Variants in TNS3 observed in about 807,000 individuals in gnomAD.
TNS3 encodes the protein tensin 3.
A neutral mutation model predicts 140.9 loss-of-function variants in TNS3; 45 were observed. The observed-to-expected ratio is 0.32, with a 90% CI of 0.25 to 0.41. The LOEUF (loss-of-function observed/expected upper bound fraction) is 0.41, where lower values mean the gene tolerates loss of function less well. TNS3 is among the 10% of genes least tolerant of loss of function. The probability of loss-of-function intolerance (pLI) is 1.00; values close to 1 mark genes in which losing one functional copy is unlikely to be tolerated. For missense variants in TNS3, 1,716 were observed against 1,906.7 expected (o/e 0.90, Z 1.86); for synonymous variants, 815 against 788.4 (o/e 1.03, Z -0.56).
At position 47,280,093 on chromosome 7, in the gene TNS3, C is replaced by G. The variant is rs1785061149; in HGVS notation, c.4193+71G>C. The G allele has an allele frequency of 1.9e-6, 3 of 1,586,186 alleles. No individual in the cohort carries two copies. The East Asian group carries it at 6.7e-5, about 35-fold the overall frequency. The stretch of plus-strand genomic sequence containing the variant: ...CTTATAAGGCACCCCCTGTGCAAAT[C>G]TGGAAGAGAATTCAACTTTGGAGTA... On this transcript the variant is annotated intron_variant, in intron 30 of 30. Transcript: ENST00000311160.
At chr7:47,517,810 T>C (rs563292476) in intron 2 of TNS3, among the ~76,000 whole-genome samples, 127 of 151,766 alleles carry the variant, frequency 8.4e-4, no homozygotes, top group Non-Finnish European at 1.7e-3. Context: ...GGAGGGAGGG[T>C]TCCACAGTCA....
chr7:47,562,912 T>C (rs1053418089), intron 1 of TNS3, among the ~76,000 whole-genome samples: 4 of 152,096 alleles, frequency 2.6e-5, no homozygotes, highest in African/African-American at 9.7e-5. Context: ...ACACGGAAGA[T>C]GGGTTTCAGG....
chr7:47,474,946 A>G (rs114911971), intron 4 of TNS3, among the ~76,000 whole-genome samples: 10,256 of 150,766 alleles, frequency 0.068, 378 homozygotes, highest in African/African-American at 0.074. Flanking sequence ...CTCACACAAT[A>G]CAACACATGC....
chr7:47,391,019 G>A (rs562311908), intron 16 of TNS3, among the ~76,000 whole-genome samples: 1 of 152,238 alleles, frequency 6.6e-6, no homozygotes, highest in South Asian at 2.1e-4. Context: ...CTCAGGAAAG[G>A]AAGCTGACAT....
intron 4 of TNS3, among the ~76,000 whole-genome samples, chr7:47,458,994 C>T (rs955305077): frequency 2.0e-4 from 31 of 152,128 alleles, no homozygotes; most frequent in African/African-American, 6.5e-4. Context: ...TAAGTACGGG[C>T]GACTTTCTTC....
chr7:47,474,987 C>T (rs571646606), intron 4 of TNS3, among the ~76,000 whole-genome samples: 2 of 150,102 alleles, frequency 1.3e-5, no homozygotes, highest in South Asian at 2.2e-4. Context: ...CACACTGCAA[C>T]GCACTCAAAG....
chr7:47,360,052 G>A (rs978337477), intron 17 of TNS3, among the ~76,000 whole-genome samples: 1 of 152,192 alleles, frequency 6.6e-6, no homozygotes, highest in Non-Finnish European at 1.5e-5. Context: ...TGGGGCAAAT[G>A]GAAAGCTTCA....
chr7:47,382,506 T>C (rs1422601924), intron 16 of TNS3, among the ~76,000 whole-genome samples: 1 of 152,214 alleles, frequency 6.6e-6, no homozygotes, highest in Non-Finnish European at 1.5e-5. Context: ...ACGTGGTCTT[T>C]TGAAGCTTTG....
intron 20 of TNS3, among the ~76,000 whole-genome samples, chr7:47,327,781 C>T (rs1788105229): frequency 6.6e-6 from 1 of 152,210 alleles, no homozygotes; most frequent in Non-Finnish European, 1.5e-5. Flanking sequence ...AGCCCTCCTC[C>T]CAAGTCCTGC....
intron 20 of TNS3, among the ~76,000 whole-genome samples, chr7:47,317,175 G>T (rs1219612031): frequency 1.3e-5 from 2 of 152,182 alleles, no homozygotes; most frequent in African/African-American, 4.8e-5. Flanking sequence ...TCTTTTTAAA[G>T]GAAGCAAGGT....
intron 8 of TNS3, among the ~76,000 whole-genome samples, chr7:47,434,531 A>G (rs1795080450): frequency 6.6e-6 from 1 of 152,188 alleles, no homozygotes; most frequent in Non-Finnish European, 1.5e-5. Context: ...AGGAGGGTTA[A>G]GCTTCACACA....
intron 4 of TNS3, among the ~76,000 whole-genome samples, chr7:47,446,688 C>CTT (rs144042398): frequency 0.039 from 3,740 of 95,752 alleles, 363 homozygotes; most frequent in Non-Finnish European, 0.052. Flanking sequence ...TCCAGGCTGC[C>CTT]TTTTTTTTTT....
At chr7:47,554,413 A>T (rs1336482000) in intron 1 of TNS3, among the ~76,000 whole-genome samples, 1 of 128,704 alleles carries the variant, frequency 7.8e-6, no homozygotes, top group Non-Finnish European at 1.7e-5. Flanking sequence ...GGAAGACTCC[A>T]TCTCAAAAAA....
chr7:47,489,215 A>T (rs1479022528), intron 3 of TNS3, among the ~76,000 whole-genome samples: 1 of 152,226 alleles, frequency 6.6e-6, no homozygotes, highest in Non-Finnish European at 1.5e-5. Context: ...GAACCGGGAC[A>T]GGAGCGGAAG....
At chr7:47,475,621 C>G (rs147267502) in intron 4 of TNS3, among the ~76,000 whole-genome samples, 72 of 152,300 alleles carry the variant, frequency 4.7e-4, no homozygotes, top group Non-Finnish European at 8.4e-4. Flanking sequence ...TACATGGCCT[C>G]GGGGTGTCCT....
intron 4 of TNS3, among the ~76,000 whole-genome samples, chr7:47,461,568 A>T (rs1199998630): frequency 6.6e-6 from 1 of 152,146 alleles, no homozygotes; most frequent in Non-Finnish European, 1.5e-5. Context: ...GTTACTACTG[A>T]GGAGCCGGGC....
intron 20 of TNS3, among the ~76,000 whole-genome samples, chr7:47,322,015 G>A (rs1023998983): frequency 6.6e-6 from 1 of 152,056 alleles, no homozygotes; most frequent in African/African-American, 2.4e-5. Context: ...TGTCCTGGAA[G>A]GAGGAGTCTC....
At chr7:47,445,769 A>T (rs553789892) in intron 4 of TNS3, among the ~76,000 whole-genome samples, 2 of 152,202 alleles carry the variant, frequency 1.3e-5, no homozygotes, top group South Asian at 4.1e-4. Flanking sequence ...TTGGACTAAA[A>T]TGAGAACCAG....
At chr7:47,351,153 C>T (rs1210761956) in intron 17 of TNS3, among the ~76,000 whole-genome samples, 3 of 152,188 alleles carry the variant, frequency 2.0e-5, no homozygotes, top group Non-Finnish European at 2.9e-5. Context: ...GTACTCTGTG[C>T]TGCTGTACTG....
Sources: gnomAD v4.1 joint callset for allele counts (sites outside exome capture counted in the v4.1 genomes callset) on GRCh38, gnomAD v4.1.1 for gene constraint, MANE v1.5 for transcripts, NCBI Gene and HGNC (gene_info 2026-07-23, HGNC 2026-07-21) for gene names.